SAMD5: variants seen among roughly 807,000 people sequenced by gnomAD.
The protein encoded by SAMD5 is sterile alpha motif domain-containing protein 5.
Under a neutral mutation model 11.3 loss-of-function variants are expected in SAMD5, and 13 were observed. That is an observed-to-expected ratio of 1.15 (90% confidence interval 0.75 to 1.83). SAMD5 has a LOEUF of 1.83. SAMD5 is among the 40% of genes most tolerant of loss of function. The probability of loss-of-function intolerance (pLI) is 0.00; values close to 1 mark genes in which losing one functional copy is unlikely to be tolerated. For missense variants in SAMD5, 255 were observed against 239.1 expected (o/e 1.07, Z -0.44); for synonymous variants, 129 against 111.3 (o/e 1.16, Z -1.00).
chr6:147,699,576 G>A (rs1791223922), intron 1 of SAMD5, among the ~76,000 whole-genome samples: 1 of 152,162 alleles, frequency 6.6e-6, no homozygotes. Context: ...TTTCACACCA[G>A]ATTAATTCAT....
At chr6:147,817,919 G>C in the SAMD5 span, among the ~76,000 whole-genome samples, 3 of 152,176 alleles carry the variant, frequency 2.0e-5, no homozygotes, top group African/African-American at 7.2e-5. Flanking sequence ...TTCTAAGCTT[G>C]TGTCTAGACT....
intron 1 of SAMD5, among the ~76,000 whole-genome samples, chr6:147,578,383 A>G (rs1436040670): frequency 6.6e-6 from 1 of 152,168 alleles, no homozygotes; most frequent in African/African-American, 2.4e-5. Flanking sequence ...ATCCTTGAAG[A>G]AGAGTGATCC....
chr6:147,593,575 AC>A (rs1159341929), intron 1 of SAMD5, among the ~76,000 whole-genome samples: 1 of 152,168 alleles, frequency 6.6e-6, no homozygotes, highest in Admixed American at 6.5e-5. Context: ...AGTATTAGTC[AC>A]TTGCAATTGC....
At chr6:147,523,372 A>G (rs1234554392) in intron 1 of SAMD5, among the ~76,000 whole-genome samples, 1 of 152,222 alleles carries the variant, frequency 6.6e-6, no homozygotes, top group East Asian at 1.9e-4. Flanking sequence ...AGGTCATTGA[A>G]GCAAGGATTA....
the SAMD5 span, among the ~76,000 whole-genome samples, chr6:147,934,788 G>C: frequency 6.6e-6 from 1 of 152,110 alleles, no homozygotes; most frequent in African/African-American, 2.4e-5. Flanking sequence ...CGTGCATGAA[G>C]GGGGAAACAT....
chr6:147,858,177 G>A, the SAMD5 span, among the ~76,000 whole-genome samples: 2 of 152,090 alleles, frequency 1.3e-5, no homozygotes, highest in South Asian at 4.2e-4. Context: ...TGATCATGGT[G>A]GTTTAGCATA....
At chr6:147,702,166 G>A (rs909845492) in intron 1 of SAMD5, among the ~76,000 whole-genome samples, 6 of 152,268 alleles carry the variant, frequency 3.9e-5, no homozygotes, top group Admixed American at 2.0e-4. Context: ...AAGCATGTGT[G>A]GGGAAAAACC....
At chr6:147,706,681 ACAGG>A (rs1791329333) in intron 1 of SAMD5, among the ~76,000 whole-genome samples, 1 of 152,214 alleles carries the variant, frequency 6.6e-6, no homozygotes, top group Non-Finnish European at 1.5e-5. Context: ...ACTTGGCTCT[ACAGG>A]GCTAACTGCA....
At chr6:147,797,841 C>T in the SAMD5 span, among the ~76,000 whole-genome samples, 29 of 150,622 alleles carry the variant, frequency 1.9e-4, no homozygotes, top group African/African-American at 6.9e-4. Context: ...TCTAGATTTT[C>T]TAGTTTATTT....
chr6:147,912,682 T>C, the SAMD5 span, among the ~76,000 whole-genome samples: 3 of 152,110 alleles, frequency 2.0e-5, no homozygotes, highest in Non-Finnish European at 4.4e-5. Flanking sequence ...TGTCCAAGCA[T>C]AGAGAGTGAT....
At chr6:147,764,569 C>T in the SAMD5 span, among the ~76,000 whole-genome samples, 1 of 152,118 alleles carries the variant, frequency 6.6e-6, no homozygotes, top group African/African-American at 2.4e-5. Context: ...CAAATCATTA[C>T]TACAAGTCTG....
chr6:147,842,752 T>G, the SAMD5 span, among the ~76,000 whole-genome samples: 1 of 152,228 alleles, frequency 6.6e-6, no homozygotes, highest in Non-Finnish European at 1.5e-5. Context: ...TCACACACAT[T>G]TTCATGAAAT....
At chr6:147,914,082 G>A in the SAMD5 span, among the ~76,000 whole-genome samples, 111 of 152,136 alleles carry the variant, frequency 7.3e-4, 1 homozygote, top group African/African-American at 2.5e-3. Flanking sequence ...GGCCGCATAC[G>A]GCCCAGGATG....
the SAMD5 span, among the ~76,000 whole-genome samples, chr6:147,902,387 T>C: frequency 6.6e-6 from 1 of 152,080 alleles, no homozygotes; most frequent in African/African-American, 2.4e-5. Flanking sequence ...TTCCGCATCT[T>C]CTTAGGGATT....
At chr6:147,553,937 C>A (rs1041660058) in intron 1 of SAMD5, among the ~76,000 whole-genome samples, 5 of 152,122 alleles carry the variant, frequency 3.3e-5, no homozygotes, top group Non-Finnish European at 7.4e-5. Flanking sequence ...GGACTTCCTT[C>A]ATTCTGGCTG....
chr6:147,844,681 A>G, the SAMD5 span, among the ~76,000 whole-genome samples: 1 of 149,824 alleles, frequency 6.7e-6, no homozygotes, highest in South Asian at 2.1e-4. Context: ...AAAAAAAAAA[A>G]CAGGAAATTC....
chr6:147,838,489 A>C, the SAMD5 span, among the ~76,000 whole-genome samples: 1 of 151,228 alleles, frequency 6.6e-6, no homozygotes, highest in Non-Finnish European at 1.5e-5. Flanking sequence ...ATAAATGTCC[A>C]CATAATATTG....
the SAMD5 span, among the ~76,000 whole-genome samples, chr6:147,817,878 G>T: frequency 6.6e-6 from 1 of 152,194 alleles, no homozygotes; most frequent in Non-Finnish European, 1.5e-5. Context: ...CTACTCATCT[G>T]AATGGCCAGT....
intron 1 of SAMD5, among the ~76,000 whole-genome samples, chr6:147,716,496 T>C (rs1182194777): frequency 4.6e-5 from 7 of 152,244 alleles, no homozygotes. Flanking sequence ...GACTCCTGCC[T>C]GTTCCTGGCC....
Sources: gnomAD v4.1 joint callset for allele counts (sites outside exome capture counted in the v4.1 genomes callset) on GRCh38, gnomAD v4.1.1 for gene constraint, MANE v1.5 for transcripts, NCBI Gene and HGNC (gene_info 2026-07-23, HGNC 2026-07-21) for gene names.